The following TP53BP1 variants were observed in gnomAD, a reference collection of about 807,000 sequenced individuals.
TP53BP1 encodes the protein TP53-binding protein 1.
Under a neutral mutation model 200.8 loss-of-function variants are expected in TP53BP1, and 61 were observed. That is an observed-to-expected ratio of 0.30 (90% confidence interval 0.25 to 0.38). The LOEUF (loss-of-function observed/expected upper bound fraction) is 0.38, where lower values mean the gene tolerates loss of function less well. Ranked by LOEUF, TP53BP1 falls within the 10% of genes least tolerant of loss-of-function variation. The pLI is 1.00. For missense variants in TP53BP1, 2,144 were observed against 2,371.9 expected, an observed-to-expected ratio of 0.90 and a Z score of 2.00; for synonymous variants, 822 against 844.3, an observed-to-expected ratio of 0.97 and a Z score of 0.46.
At chr15:43,445,875 A>G (rs1227328828) in intron 14 of TP53BP1, among the ~76,000 whole-genome samples, 1 of 152,200 alleles carries the variant, frequency 6.6e-6, no homozygotes, top group South Asian at 2.1e-4. Flanking sequence ...CATCATGCAC[A>G]AAAGCACAAG....
At position 43,457,125 on chromosome 15, in the gene TP53BP1, A is replaced by C. The variant is rs772023228; in HGVS notation, c.1483T>G (p.Ser495Ala). 1 of 1,614,126 alleles carries C rather than the reference A, an allele frequency of 6.2e-7. No homozygotes were observed. ...MHSSSLTVEC[S>A]KTSEIEPKNS... Reference sequence around the variant, plus strand: ...TTTGGTTCAATCTCTGAAGTTTTAGAACACTCAACTGTCAAAGATGAACTA... The same window carrying C: ...TTTGGTTCAATCTCTGAAGTTTTAGCACACTCAACTGTCAAAGATGAACTA... The change falls in exon 12 of 28, where the codon TCT (serine) becomes GCT (alanine). Residue 495 changes from serine (S) to alanine (A), a missense_variant. This residue lies in a region of TP53BP1 where 1,700 missense variants were observed against 1,710.3 expected (regional missense o/e 0.99). Transcript: ENST00000382044.
At chr15:43,408,732 G>T (rs1058298) in intron 26 of TP53BP1, 165 bp downstream of exon 26, 245,244 of 658,986 alleles carry the variant, frequency 0.37, 53,198 homozygotes, top group African/African-American at 0.82. Context: ...ATGTAACCTA[G>T]GGAAATAAAC....
At chr15:43,495,495 TCA>T (rs376410840), upstream of TP53BP1, among the ~76,000 whole-genome samples, 8,672 of 133,266 alleles carry the variant, frequency 0.065, 583 homozygotes, top group African/African-American at 0.17. Context: ...TGAGACTCCG[TCA>T]CACACACACA....
rs535056806 is a variant in TP53BP1 at position 43,474,317 on chromosome 15, A to G, written c.1180+356T>C. On this transcript the variant is annotated intron_variant, in intron 10 of 27. Coordinates refer to ENST00000382044, the MANE Select transcript of TP53BP1 (RefSeq NM_001141980.3). ...GGCTCCAGCCTTGGCCAGCCCAGAA[A>G]GGGGATCCCACAGTGCAGCGGTGGG... Among the ~76,000 whole-genome samples, 94 of 152,312 alleles carry G rather than the reference A, an allele frequency of 6.2e-4. No individual in the cohort carries two copies. The South Asian group carries it at 0.011, about 18-fold the overall frequency.
chr15:43,505,721 T>C (rs2079232296), intron 1 of TP53BP1, among the ~76,000 whole-genome samples: 1 of 152,238 alleles, frequency 6.6e-6, no homozygotes, highest in African/African-American at 2.4e-5. Context: ...TTCTTCCCCA[T>C]CTCAACCTTT....
At chr15:43,427,384 C>A (rs2045564204) in intron 18 of TP53BP1, among the ~76,000 whole-genome samples, 1 of 152,172 alleles carries the variant, frequency 6.6e-6, no homozygotes, top group Non-Finnish European at 1.5e-5. Context: ...GTTCTAAACT[C>A]CATTTGAGTT....
At chr15:43,412,596 C>T (rs2045148498) in intron 24 of TP53BP1, 1 of 454,840 alleles carries the variant, frequency 2.2e-6, no homozygotes, top group Non-Finnish European at 4.5e-6. Flanking sequence ...GGCCTAGAAG[C>T]TGTTTCTTTG....
At chr15:43,487,295 A>G (rs1386076240) in intron 4 of TP53BP1, among the ~76,000 whole-genome samples, 1 of 149,808 alleles carries the variant, frequency 6.7e-6, no homozygotes, top group Non-Finnish European at 1.5e-5. Context: ...TGGCTAAAAT[A>G]AAAAATACTG....
At position 43,457,021 on chromosome 15, in the gene TP53BP1, C is replaced by T; in HGVS notation, c.1587G>A (p.Gln529=). ...KLMLSTSEYS[Q]SPKMESLSSH... is the part of the protein sequence containing the mutation. ...AACTCAAGCTCTCCATCTTTGGGGA[C>T]TGACTATATTCACTTGTAGAAAGCA... The change falls in exon 12 of 28, where the codon CAG becomes CAA. Residue 529 remains glutamine (Q), a synonymous_variant. Coordinates refer to ENST00000382044, the MANE Select transcript of TP53BP1 (RefSeq NM_001141980.3). 3 of 1,614,196 alleles carry T rather than the reference C, an allele frequency of 1.9e-6. No homozygotes were observed. In the South Asian group the frequency reaches 3.3e-5, roughly 18 times the overall value.
Position 43,456,314 on chromosome 15 carries a change from T to C in TP53BP1, c.2294A>G (p.Asp765Gly), listed in dbSNP as rs565527162. 1 of 1,614,128 alleles carries C rather than the reference T, an allele frequency of 6.2e-7. No individual in the cohort carries two copies. Among genetic ancestry groups the C allele is most frequent in the Non-Finnish European group, 8.5e-7 (1 of 1,180,042 alleles). ...TSEDSSVVIVDVKEPSPRVDV... is the reference protein window; with the variant it reads ...TSEDSSVVIVGVKEPSPRVDV... The stretch of plus-strand genomic sequence containing the variant: ...AACTCTGGGAGATGGCTCTTTCACA[T>C]CTACAATGACAACACTGGAGTCCTC... The change falls in exon 12 of 28, where the codon GAT becomes GGT. Residue 765 changes from aspartate to glycine, a missense_variant. Coordinates refer to ENST00000382044, the MANE Select transcript of TP53BP1 (RefSeq NM_001141980.3).
chr15:43,408,406 G>A (rs2142933529), intron 26 of TP53BP1: 1 of 291,510 alleles, frequency 3.4e-6, no homozygotes, highest in East Asian at 8.2e-5. Context: ...ACTTCAGCCT[G>A]GGAGGTTGAG....
Position 43,456,373 on chromosome 15 carries a change from A to C in TP53BP1, c.2235T>G (p.His745Gln), listed in dbSNP as rs2046296789. ...CTTCTTCCCAAGCTTCCTGTTCCTT[A>C]TGTTCCAATTCTTGGTCAAGTATTG... The part of the protein sequence containing the change: ...KLAILDQELE[H>Q]KEQEAWEEAT... Residue 745 changes from histidine (H) to glutamine (Q), a missense_variant, in exon 12 of 28, where the codon CAT becomes CAG. Around this residue, in one of 4 missense-constraint regions of TP53BP1, gnomAD observed 1,700 missense variants for 1,710.3 expected, o/e 0.99. Transcript: ENST00000382044. The C allele has an allele frequency of 1.2e-6, 2 of 1,608,952 alleles. No homozygotes were observed. Among genetic ancestry groups the C allele is most frequent in the Admixed American group, 1.7e-5 (1 of 58,862 alleles).
At chr15:43,459,554 T>G (rs1189686827) in intron 11 of TP53BP1, among the ~76,000 whole-genome samples, 2 of 151,950 alleles carry the variant, frequency 1.3e-5, no homozygotes, top group African/African-American at 2.4e-5. Flanking sequence ...ATAAATGGAA[T>G]AAAATATGAA....
intron 1 of TP53BP1, among the ~76,000 whole-genome samples, chr15:43,499,797 G>C (rs1429549209): frequency 6.6e-6 from 1 of 152,152 alleles, no homozygotes; most frequent in Non-Finnish European, 1.5e-5. Flanking sequence ...TTGGCTCCAT[G>C]GTGGTGGTGG....
chr15:43,430,969 T>G (rs894975197), intron 17 of TP53BP1, among the ~76,000 whole-genome samples: 1 of 152,162 alleles, frequency 6.6e-6, no homozygotes, highest in Non-Finnish European at 1.5e-5. Flanking sequence ...CCGGCATCAC[T>G]ACTCTCAAAC....
intron 18 of TP53BP1, 41 bp downstream of exon 18, chr15:43,427,975 A>G (rs1428724502): frequency 7.1e-7 from 1 of 1,410,666 alleles, no homozygotes; most frequent in South Asian, 1.5e-5. Context: ...AAAAAAAAAG[A>G]AAGAAAGAAA....
rs2044772354 is a variant in TP53BP1 at position 43,404,068 on chromosome 15, TC to T, written c.*3314del. Reference sequence around the variant, plus strand: ...GGGTTGTTCTAACTTCCTCACATCCTCCCCCCTCCTTACTTCCTTGAACTAA... The same window carrying T: ...GGGTTGTTCTAACTTCCTCACATCCTCCCCCTCCTTACTTCCTTGAACTAA... On this transcript the variant is annotated 3_prime_UTR_variant, in exon 28 of 28. Transcript: ENST00000382044. The T allele has an allele frequency of 1.9e-6, 1 of 523,218 alleles. No homozygotes were observed. Among genetic ancestry groups the T allele is most frequent in the Admixed American group, 3.3e-5 (1 of 30,138 alleles). The allele number at this position is 523,218 out of a possible 1,614,324, so 32.4% of individuals were successfully genotyped here.
At chr15:43,426,439 CAAAAAAAAA>C (rs538087512) in intron 18 of TP53BP1, among the ~76,000 whole-genome samples, 6 of 56,790 alleles carry the variant, frequency 1.1e-4, no homozygotes, top group Admixed American at 5.9e-4. Context: ...GACTCTGTGT[CAAAAAAAAA>C]AAAAAAAAAA....
At chr15:43,462,494 T>TG (rs1183584559) in intron 11 of TP53BP1, among the ~76,000 whole-genome samples, 2 of 151,632 alleles carry the variant, frequency 1.3e-5, no homozygotes, top group African/African-American at 4.8e-5. Flanking sequence ...TTTCTTTTGG[T>TG]GGGTAGAGAC....
Sources: allele counts gnomAD v4.1 joint callset (sites outside exome capture counted in the v4.1 genomes callset), GRCh38; gene constraint gnomAD v4.1.1; regional missense constraint gnomAD v4.1.1; transcripts MANE v1.5; gene names NCBI Gene and HGNC (gene_info 2026-07-23, HGNC 2026-07-21).